CR1L: variants seen among roughly 807,000 people sequenced by gnomAD.
CR1L encodes the protein complement C3b/C4b receptor 1 like, also known as complement component receptor 1-like protein.
CR1L carries 59 observed loss-of-function variants against 62.3 expected under a neutral mutation model. The ratio of observed to expected loss-of-function variants is 0.95; its 90% CI spans 0.77 to 1.18. The LOEUF (loss-of-function observed/expected upper bound fraction) is 1.18. CR1L is among the 50% of genes most tolerant of loss of function. The pLI, the probability that CR1L is intolerant of heterozygous loss-of-function variation, is 0.00. For missense variants in CR1L, 700 were observed against 702.8 expected (o/e 1.00, Z 0.04); for synonymous variants, 279 against 248.7 (o/e 1.12, Z -1.15).
intron 3 of CR1L, among the ~76,000 whole-genome samples, chr1:207,682,196 C>A (rs1335232990): frequency 2.0e-5 from 3 of 151,942 alleles, no homozygotes; most frequent in African/African-American, 7.3e-5. Flanking sequence ...TGAGTCCAGG[C>A]GCAGTGGCTC....
intron 8 of CR1L, 127 bp downstream of exon 8, chr1:207,699,401 T>C: frequency 8.7e-7 from 1 of 1,149,842 alleles, no homozygotes; most frequent in South Asian, 1.5e-5. Context: ...AATTTCTTAT[T>C]TTAGTAATGT....
intron 1 of CR1L, among the ~76,000 whole-genome samples, chr1:207,674,864 G>T (rs11118323): frequency 0.36 from 53,713 of 148,600 alleles, 9,705 homozygotes; most frequent in Non-Finnish European, 0.4. Flanking sequence ...TTTTATTCGT[G>T]TTTTTTTTTT....
At chr1:207,701,289 C>CAGATCTAA (rs1664186972) in intron 8 of CR1L, among the ~76,000 whole-genome samples, 1 of 152,138 alleles carries the variant, frequency 6.6e-6, no homozygotes, top group Non-Finnish European at 1.5e-5. Flanking sequence ...GGTCTCTACA[C>CAGATCTAA]AGATCTAAAT....
chr1:207,680,544 A>AGTTT (rs1663779836), intron 3 of CR1L, among the ~76,000 whole-genome samples: 3 of 151,292 alleles, frequency 2.0e-5, no homozygotes, highest in African/African-American at 7.3e-5. Context: ...AAATAAAAAA[A>AGTTT]TTTTTTTTTT....
At chr1:207,680,357 G>A (rs1663776601) in intron 3 of CR1L, among the ~76,000 whole-genome samples, 1 of 152,150 alleles carries the variant, frequency 6.6e-6, no homozygotes, top group East Asian at 1.9e-4. Context: ...ACACAGTCGA[G>A]TACAGGTAAA....
Position 207,699,187 on chromosome 1 carries a change from A to G in CR1L, c.1143-2A>G. 1.2e-6 allele frequency: 2 copies of G among 1,613,598 alleles called. No individual in the cohort carries two copies. The highest frequency in any genetic ancestry group is 1.1e-5 in the South Asian group (1 of 91,070). On this transcript the variant is annotated splice_acceptor_variant, in intron 7 of 11. Transcript: ENST00000508064. LOFTEE classifies it high-confidence loss of function. ...GCTATTCACTCCTATTTTCTTCTTT[A>G]GATTTCAATTAAAAGGCAGCTCTGC...
At chr1:207,671,764 T>A (rs1451613813) in intron 1 of CR1L, among the ~76,000 whole-genome samples, 2 of 150,030 alleles carry the variant, frequency 1.3e-5, no homozygotes, top group Admixed American at 1.3e-4. Flanking sequence ...TCTACAAAAA[T>A]CCAAAAATTA....
At chr1:207,691,605 CA>C in intron 4 of CR1L, among the ~76,000 whole-genome samples, 1 of 152,028 alleles carries the variant, frequency 6.6e-6, no homozygotes, top group East Asian at 1.9e-4. Context: ...TTTTTGAATT[CA>C]TCAAGTATTT....
chr1:207,683,666 G>T (rs1199440417), intron 3 of CR1L, among the ~76,000 whole-genome samples: 1 of 152,130 alleles, frequency 6.6e-6, no homozygotes, highest in Non-Finnish European at 1.5e-5. Flanking sequence ...TAATAAAAAA[G>T]AGAAATCCCA....
intron 1 of CR1L, among the ~76,000 whole-genome samples, chr1:207,650,858 T>C (rs1663212369): frequency 6.6e-6 from 1 of 151,798 alleles, no homozygotes; most frequent in East Asian, 1.9e-4. Flanking sequence ...CAATCTCAGC[T>C]CACTGCAACC....
At chr1:207,660,684 T>C (rs1663406271) in intron 1 of CR1L, among the ~76,000 whole-genome samples, 1 of 152,234 alleles carries the variant, frequency 6.6e-6, no homozygotes. Flanking sequence ...TGCCTTCTGC[T>C]AGCTTTTGAA....
At chr1:207,672,146 C>T (rs1411868685) in intron 1 of CR1L, among the ~76,000 whole-genome samples, 2 of 150,382 alleles carry the variant, frequency 1.3e-5, no homozygotes, top group African/African-American at 2.5e-5. Flanking sequence ...CCCTATAAGA[C>T]CATTTTAAAT....
At chr1:207,670,247 T>A (rs1571510164) in intron 1 of CR1L, among the ~76,000 whole-genome samples, 1 of 151,038 alleles carries the variant, frequency 6.6e-6, no homozygotes, top group Non-Finnish European at 1.5e-5. Context: ...ATTGACAGCA[T>A]ACTTTAAGAC....
chr1:207,692,534 C>T (rs1664013081), intron 4 of CR1L, among the ~76,000 whole-genome samples: 1 of 152,176 alleles, frequency 6.6e-6, no homozygotes. Flanking sequence ...CTGTGCCCTG[C>T]ATGGACTTCG....
In CR1L at chr1:207,645,267, C is replaced by T. The variant is rs1240170718; in HGVS notation, c.34C>T (p.Pro12Ser). The T allele has an allele frequency of 1.9e-6, 3 of 1,613,782 alleles. No individual in the cohort carries two copies. The highest frequency in any genetic ancestry group is 1.7e-6 in the Non-Finnish European group (2 of 1,180,028). ...TCCCGTCCGTCTCGAGCGTCCCTTT[C>T]CTTCCCGGCGCTTTCCTGGGTTGCT... ...APPVRLERPFPSRRFPGLLLA... is the reference protein window; with the variant it reads ...APPVRLERPFSSRRFPGLLLA... The change falls in exon 1 of 12, where the codon CCT (proline) becomes TCT (serine). Residue 12 changes from proline (P) to serine (S), a missense_variant. Transcript: ENST00000508064.
chr1:207,657,168 C>G (rs547506389), intron 1 of CR1L: 1 of 963,944 alleles, frequency 1.0e-6, no homozygotes, highest in Non-Finnish European at 1.7e-6. Flanking sequence ...GGAAAACACA[C>G]CTTTAGTGAA....
intron 9 of CR1L, 168 bp downstream of exon 9, chr1:207,701,786 A>C (rs962664638): frequency 2.2e-5 from 22 of 982,954 alleles, no homozygotes; most frequent in Non-Finnish European, 3.5e-5. Context: ...GATTAGGGGA[A>C]AAATCTGTGT....
At chr1:207,667,617 ACTC>A (rs1663542740) in intron 1 of CR1L, among the ~76,000 whole-genome samples, 1 of 151,646 alleles carries the variant, frequency 6.6e-6, no homozygotes, top group South Asian at 2.1e-4. Context: ...CCTACCACGC[ACTC>A]CTCCTTTTCT....
At chr1:207,681,031 C>T (rs1663787170) in intron 3 of CR1L, among the ~76,000 whole-genome samples, 1 of 152,162 alleles carries the variant, frequency 6.6e-6, no homozygotes, top group South Asian at 2.1e-4. Context: ...TAAACTCTAT[C>T]CTTAAATATA....
Sources: allele counts gnomAD v4.1 joint callset (sites outside exome capture counted in the v4.1 genomes callset), GRCh38; gene constraint gnomAD v4.1.1; transcripts MANE v1.5; gene names NCBI Gene and HGNC (gene_info 2026-07-23, HGNC 2026-07-21).